SEL1L: variants seen among roughly 807,000 people sequenced by gnomAD.
The protein encoded by SEL1L is SEL1L adaptor subunit of SYVN1 ubiquitin ligase, also known as protein sel-1 homolog 1.
A neutral mutation model predicts 109.8 loss-of-function variants in SEL1L; 52 were observed. That is an observed-to-expected ratio of 0.47 (90% confidence interval 0.38 to 0.60). SEL1L has a LOEUF of 0.60. Among genes scored for constraint, SEL1L ranks in the 20% least tolerant of loss-of-function variants. SEL1L has a pLI of 0.00. For missense variants in SEL1L, 749 were observed against 962.2 expected, an observed-to-expected ratio of 0.78 and a Z score of 2.93; for synonymous variants, 373 against 339.6, an observed-to-expected ratio of 1.10 and a Z score of -1.08.
intron 4 of SEL1L, 35 bp from the exon 5 acceptor site, chr14:81,504,341 T>C (rs200197268): frequency 1.1e-5 from 15 of 1,418,242 alleles, no homozygotes; most frequent in Non-Finnish European, 1.4e-5. Context: ...TTAAATGGAT[T>C]TTAATTCTAT....
In SEL1L at chr14:81,485,711, GATA is replaced by G. The variant is rs774986564; in HGVS notation, c.1831_1833del (p.Tyr611del). On this transcript the variant is annotated inframe_deletion, in exon 18 of 21. Transcript: ENST00000336735. ...CTGTTCCAATGTAGCAAAGCTCTGG[GATA>G]AGTTTCATTCTCACCTACAATGCTT... 6.2e-7 allele frequency: 1 copy of G among 1,614,032 alleles called. No homozygotes were observed. The highest frequency in any genetic ancestry group is 8.5e-7 in the Non-Finnish European group (1 of 1,179,944).
intron 4 of SEL1L, among the ~76,000 whole-genome samples, chr14:81,504,751 T>G (rs544725375): frequency 6.6e-6 from 1 of 152,048 alleles, no homozygotes; most frequent in Non-Finnish European, 1.5e-5. Flanking sequence ...GGGGTGGTTT[T>G]TCATGAATGG....
chr14:81,496,294 A>T (rs1242945289), intron 10 of SEL1L, among the ~76,000 whole-genome samples: 1 of 152,192 alleles, frequency 6.6e-6, no homozygotes, highest in African/African-American at 2.4e-5. Flanking sequence ...ACTGCACTCC[A>T]GCCTGGGCGA....
chr14:81,502,634 A>C (rs991503173), intron 6 of SEL1L, 87 bp downstream of exon 6: 4 of 1,310,112 alleles, frequency 3.1e-6, no homozygotes, highest in Non-Finnish European at 4.1e-6. Context: ...CTGACTTTTT[A>C]AAAGAAGTCA....
intron 20 of SEL1L, 108 bp downstream of exon 20, chr14:81,479,504 T>C (rs1246518361): frequency 2.7e-6 from 3 of 1,128,482 alleles, no homozygotes; most frequent in Non-Finnish European, 3.7e-6. Flanking sequence ...ACACACCCGA[T>C]ACCTGCAGGA....
intron 12 of SEL1L, among the ~76,000 whole-genome samples, chr14:81,491,997 T>G (rs542476913): frequency 1.3e-5 from 2 of 152,060 alleles, no homozygotes; most frequent in East Asian, 1.9e-4. Flanking sequence ...CTAATTTCAA[T>G]GAAGAATTAA....
intron 15 of SEL1L, 50 bp from the exon 16 acceptor site, chr14:81,487,588 A>G: frequency 6.4e-7 from 1 of 1,574,034 alleles, no homozygotes; most frequent in Non-Finnish European, 8.6e-7. Context: ...AGATTTAGCT[A>G]AGTATCAGAG....
chr14:81,475,156 C>G lies in SEL1L; in HGVS notation c.*1816G>C, dbSNP rs1321135085. ...TGGAGACACCAAAGTACTGTACCAA[C>G]TGCACTCAAATCTCTACATGTAAGA... On this transcript the variant is annotated 3_prime_UTR_variant, in exon 21 of 21. Transcript: ENST00000336735. 6.6e-6 allele frequency: 1 copy of G among 152,308 alleles called. No homozygotes were observed. Among genetic ancestry groups the G allele is most frequent in the East Asian group, 1.9e-4 (1 of 5,186 alleles). The allele number at this position is 152,308 out of a possible 1,614,324, so 9.4% of individuals were successfully genotyped here.
At chr14:81,514,428 G>C (rs1413784059) in intron 3 of SEL1L, among the ~76,000 whole-genome samples, 2 of 152,124 alleles carry the variant, frequency 1.3e-5, no homozygotes, top group African/African-American at 4.8e-5. Context: ...ACTAACAGGA[G>C]AATGCTTAGG....
At position 81,472,901 on chromosome 14, in the gene SEL1L, T is replaced by C. The variant is rs1903049761; in HGVS notation, c.*4071A>G. The stretch of plus-strand genomic sequence containing the variant: ...TGTCTGGAAAGGTGCTTGGTTGTGG[T>C]ATATTACAGCATACAGGATAACCAG... On this transcript the variant is annotated 3_prime_UTR_variant, in exon 21 of 21. Transcript: ENST00000336735. 1 of 221,036 alleles carries C rather than the reference T, an allele frequency of 4.5e-6. No homozygotes were observed. The highest frequency in any genetic ancestry group is 9.2e-6 in the Non-Finnish European group (1 of 109,260). 13.7% of individuals were successfully genotyped at this position (221,036 alleles called of 1,614,324 possible). A position where few individuals can be genotyped will look rare whatever the true frequency, so the allele number is the denominator to read the frequency against.
At position 81,487,694 on chromosome 14, in the gene SEL1L, A is replaced by G. The variant is rs187611079; in HGVS notation, c.1484-156T>C. The G allele has an allele frequency of 9.1e-5, 89 of 976,668 alleles. No individual in the cohort carries two copies. The African/African-American group carries it at 1.5e-3, about 16-fold the overall frequency. 60.5% of individuals were successfully genotyped at this position (976,668 alleles called of 1,614,324 possible). ...AGCTAACACACTGATACAGATTAAT[A>G]TAATTTACAATGAAAAACAAGATGT... On this transcript the variant is annotated intron_variant, in intron 15 of 20. Coordinates refer to ENST00000336735, the MANE Select transcript of SEL1L (RefSeq NM_005065.6).
intron 1 of SEL1L, 81 bp downstream of exon 1, chr14:81,533,594 T>C: frequency 7.3e-7 from 1 of 1,377,936 alleles, no homozygotes; most frequent in Non-Finnish European, 1.0e-6. Context: ...GTCCCGAGCC[T>C]GGAGTCCCCA....
intron 3 of SEL1L, among the ~76,000 whole-genome samples, chr14:81,522,973 C>T (rs914011176): frequency 6.6e-6 from 1 of 152,042 alleles, no homozygotes; most frequent in Non-Finnish European, 1.5e-5. Context: ...TCCATGGATA[C>T]AGAGGGCTGA....
At chr14:81,527,523 A>C (rs936107226) in intron 2 of SEL1L, among the ~76,000 whole-genome samples, 178 bp downstream of exon 2, 1 of 151,932 alleles carries the variant, frequency 6.6e-6, no homozygotes, top group East Asian at 1.9e-4. Flanking sequence ...CTTGTAGGTC[A>C]GTAATTTTTT....
In SEL1L at chr14:81,473,656, G is replaced by A. The variant is rs1445854744; in HGVS notation, c.*3316C>T. On this transcript the variant is annotated 3_prime_UTR_variant, in exon 21 of 21. Coordinates refer to ENST00000336735, the MANE Select transcript of SEL1L (RefSeq NM_005065.6). Reference sequence around the variant, plus strand: ...CCCTGCTTGTCTTGGCAGGTAAAGGGGCTGTTTTCATGACACATCTTGTTT... The same window carrying A: ...CCCTGCTTGTCTTGGCAGGTAAAGGAGCTGTTTTCATGACACATCTTGTTT... The A allele has an allele frequency of 6.6e-6, 1 of 152,086 alleles. No homozygotes were observed. Among genetic ancestry groups the A allele is most frequent in the South Asian group, 2.1e-4 (1 of 4,828 alleles). 9.4% of individuals were successfully genotyped at this position (152,086 alleles called of 1,614,324 possible). A position where few individuals can be genotyped will look rare whatever the true frequency, so the allele number is the denominator to read the frequency against.
chr14:81,499,270 C>T (rs1883903660), intron 8 of SEL1L, 189 bp downstream of exon 8: 2 of 1,259,944 alleles, frequency 1.6e-6, no homozygotes, highest in African/African-American at 1.5e-5. Flanking sequence ...TTGTGGACTC[C>T]ACCAACTTTC....
chr14:81,533,802 G>C lies in SEL1L; in HGVS notation c.-58C>G, dbSNP rs1193311855. On this transcript the variant is annotated 5_prime_UTR_variant, in exon 1 of 21. Coordinates refer to ENST00000336735, the MANE Select transcript of SEL1L (RefSeq NM_005065.6). ...CTGTCGCCTTCGCCTCTGCCACCACGGACTCAGCCACCACCGCCGCCTCGC... is the reference window on the plus strand; with the variant it reads ...CTGTCGCCTTCGCCTCTGCCACCACCGACTCAGCCACCACCGCCGCCTCGC... 1.6e-5 allele frequency: 25 copies of C among 1,534,854 alleles called. No homozygotes were observed. The highest frequency in any genetic ancestry group is 2.2e-5 in the Non-Finnish European group (25 of 1,120,160).
intron 17 of SEL1L, 137 bp from the exon 18 acceptor site, chr14:81,485,883 AAATT>A: frequency 1.4e-6 from 1 of 712,216 alleles, no homozygotes; most frequent in South Asian, 1.8e-5. Flanking sequence ...ACAAATACTG[AAATT>A]AATTACTGAA....
intron 1 of SEL1L, among the ~76,000 whole-genome samples, 183 bp downstream of exon 1, chr14:81,533,482 TTCCACCCCAC>T (rs1346519570): frequency 6.6e-6 from 1 of 152,152 alleles, no homozygotes; most frequent in Non-Finnish European, 1.5e-5. Flanking sequence ...CCCCTTCTTT[TTCCACCCCAC>T]TCCACCTTCC....
Sources: allele counts gnomAD v4.1 joint callset (sites outside exome capture counted in the v4.1 genomes callset), GRCh38; gene constraint gnomAD v4.1.1; transcripts MANE v1.5; gene names NCBI Gene and HGNC (gene_info 2026-07-23, HGNC 2026-07-21).